The following NEB variants were observed in gnomAD, a reference collection of about 807,000 sequenced individuals.
NEB encodes the protein nemaline myopathy type 2.
Under a neutral mutation model 952.2 loss-of-function variants are expected in NEB, and 512 were observed. The ratio of observed to expected loss-of-function variants is 0.54; its 90% CI spans 0.50 to 0.58. The LOEUF is 0.58. Among genes scored for constraint, NEB ranks in the 20% least tolerant of loss-of-function variants. NEB has a pLI of 0.00. For missense variants in NEB, 8,428 were observed against 9,231.1 expected (o/e 0.91, Z 3.56); for synonymous variants, 2,900 against 3,149.8 (o/e 0.92, Z 2.66).
In NEB at chr2:151,617,480, AAAAAAAAAG is replaced by A; in HGVS notation, c.11077-21_11077-13del. 1 of 1,428,036 alleles carries A rather than the reference AAAAAAAAAG, an allele frequency of 7.0e-7. No homozygotes were observed. Among genetic ancestry groups the A allele is most frequent in the Non-Finnish European group, 9.4e-7 (1 of 1,062,244 alleles). The allele number at this position is 1,428,036 out of a possible 1,614,324, so 88.5% of individuals were successfully genotyped here. A position where few individuals can be genotyped will look rare whatever the true frequency, so the allele number is the denominator to read the frequency against. On this transcript the variant is annotated splice_polypyrimidine_tract_variant and intron_variant, in intron 74 of 181. Coordinates refer to ENST00000397345, the MANE Select transcript of NEB (RefSeq NM_001164508.2). ...TCAGTATATAAGCGCTACAAAAAAA[AAAAAAAAAG>A]AGAGAGAGAGAGAGAAAAATTATTT...
intron 107 of NEB, among the ~76,000 whole-genome samples, chr2:151,572,068 T>G (rs1303311806): frequency 1.3e-5 from 2 of 152,354 alleles, no homozygotes; most frequent in Non-Finnish European, 1.5e-5. Flanking sequence ...ACGCCTATAA[T>G]CCCAGCACTT....
chr2:151,727,000 T>C (rs1407509607), intron 5 of NEB, among the ~76,000 whole-genome samples: 1 of 151,054 alleles, frequency 6.6e-6, no homozygotes, highest in African/African-American at 2.4e-5. Flanking sequence ...AAGTGAGCTG[T>C]GATCAAGCTA....
At chr2:151,695,935 A>G (rs866189984) in intron 17 of NEB, among the ~76,000 whole-genome samples, 9 of 152,152 alleles carry the variant, frequency 5.9e-5, no homozygotes, top group Middle Eastern at 3.4e-3. Context: ...GCGTAGCACA[A>G]TTGTCCCTGC....
In NEB at chr2:151,502,793, C is replaced by T. The variant is rs558657964; in HGVS notation, c.23928G>A (p.Ser7976=). 18 of 1,578,798 alleles carry T rather than the reference C, an allele frequency of 1.1e-5. No homozygotes were observed. The South Asian group carries it at 1.8e-4, about 16-fold the overall frequency. The change falls in exon 167 of 182, where the codon TCG becomes TCA. Residue 7976 remains serine (S), a splice_region_variant and synonymous_variant. Coordinates refer to ENST00000397345, the MANE Select transcript of NEB (RefSeq NM_001164508.2). ...TTTTTTTTGGCCCCCTAAGAAATAC[C>T]GAGCTAAAGTTCTCTTGATTGCGTT... is the stretch of plus-strand genomic sequence containing the variant. ...RVKRNQENFS[S]ILYKENLSKG...
intron 138 of NEB, among the ~76,000 whole-genome samples, 171 bp downstream of exon 138, chr2:151,540,173 T>C (rs1175222090): frequency 2.6e-5 from 4 of 151,836 alleles, no homozygotes; most frequent in African/African-American, 7.3e-5. Flanking sequence ...CTCAGCTATT[T>C]TGCCTGACTA....
rs1236974118 is a variant in NEB at position 151,643,264 on chromosome 2, G to A, written c.8046C>T (p.Thr2682=). The A allele has an allele frequency of 5.6e-6, 9 of 1,613,642 alleles. No homozygotes were observed. The highest frequency in any genetic ancestry group is 2.7e-5 in the African/African-American group (2 of 74,854). The change falls in exon 58 of 182, where the codon ACC becomes ACT. Residue 2682 remains threonine, a synonymous_variant. Coordinates refer to ENST00000397345, the MANE Select transcript of NEB (RefSeq NM_001164508.2). ...GGTAAACATGGTCACTCAAAATCTG[G>A]GTGGCTCGTTTATTTTTCTCATCCT... ...SLEDEKNKRA[T]QILSDHVYRQ...
In NEB at chr2:151,633,714, T is replaced by C. The variant is rs187637065; in HGVS notation, c.9354A>G (p.Thr3118=). Residue 3118 remains threonine, a synonymous_variant, in exon 65 of 182, where the codon ACA becomes ACG. Transcript: ENST00000397345. ...VDYKNYLHEW[T]CLPDQSDVIH... Reference sequence around the variant, plus strand: ...TGACATCGCTCTGGTCAGGCAGGCATGTCCACTCGTGCAGGTAGTTCTTAT... The same window carrying C: ...TGACATCGCTCTGGTCAGGCAGGCACGTCCACTCGTGCAGGTAGTTCTTAT... 1.9e-4 allele frequency: 313 copies of C among 1,614,022 alleles called. 2 individuals are homozygous for C. The African/African-American group carries it at 3.6e-3, about 19-fold the overall frequency.
intron 161 of NEB, 59 bp from the exon 162 acceptor site, chr2:151,508,168 G>T (rs1370069031): frequency 1.7e-6 from 2 of 1,180,790 alleles, no homozygotes; most frequent in Non-Finnish European, 2.4e-6. Context: ...AGGCCAATGG[G>T]ACCTAAAATA....
chr2:151,609,455 T>C (rs1397134755), intron 81 of NEB, among the ~76,000 whole-genome samples: 1 of 152,150 alleles, frequency 6.6e-6, no homozygotes, highest in Non-Finnish European at 1.5e-5. Context: ...ATTTGATATT[T>C]CAAAAAATTT....
intron 28 of NEB, among the ~76,000 whole-genome samples, 170 bp from the exon 29 acceptor site, chr2:151,682,939 G>A (rs1304393952): frequency 6.6e-6 from 1 of 152,078 alleles, no homozygotes; most frequent in Non-Finnish European, 1.5e-5. Flanking sequence ...ACAGCTCTTC[G>A]ATTTTTGCTT....
chr2:151,727,675 G>T lies in NEB; in HGVS notation c.294+16C>A. 1.2e-6 allele frequency: 2 copies of T among 1,602,450 alleles called. No homozygotes were observed. Among genetic ancestry groups the T allele is most frequent in the Non-Finnish European group, 1.7e-6 (2 of 1,170,300 alleles). On this transcript the variant is annotated intron_variant, in intron 5 of 181. Transcript: ENST00000397345. ...TAATAATCAAGCCAGGTTAGCAGAA[G>T]TTGTTTGAAACTTACTGGGCTAAAA...
intron 179 of NEB, among the ~76,000 whole-genome samples, chr2:151,490,989 C>T (rs2056053054): frequency 6.6e-6 from 1 of 151,936 alleles, no homozygotes; most frequent in South Asian, 2.1e-4. Flanking sequence ...GTGTCTTGAT[C>T]AGAAAACTGG....
Position 151,485,766 on chromosome 2 carries a change from A to C in NEB, c.25572T>G (p.Ala8524=), listed in dbSNP as rs1458192226. Residue 8524 remains alanine (A), a synonymous_variant, in exon 182 of 182, where the codon GCT becomes GCG. Transcript: ENST00000397345. The part of the protein sequence containing the change: ...TGMLPANYVE[A]I ...GTGTGATGCTTTGAAATGCCTAAAT[A>C]GCTTCAACGTAGTTGGCTGGGAGCA... 1.2e-6 allele frequency: 2 copies of C among 1,608,676 alleles called. No homozygotes were observed. The highest frequency in any genetic ancestry group is 3.3e-5 in the Admixed American group (2 of 59,842).
Position 151,569,280 on chromosome 2 carries a change from G to A in NEB, c.17523C>T (p.Asp5841=), listed in dbSNP as rs948091710. The A allele has an allele frequency of 6.2e-7, 1 of 1,613,654 alleles. No homozygotes were observed. Among genetic ancestry groups the A allele is most frequent in the Non-Finnish European group, 8.5e-7 (1 of 1,179,736 alleles). Residue 5841 remains aspartate, a synonymous_variant, in exon 110 of 182, where the codon GAC becomes GAT. Transcript: ENST00000397345. The part of the protein sequence containing the change: ...VSVNHAKHAA[D]IFSEKKYRTK... The stretch of plus-strand genomic sequence containing the variant: ...AATCTTGGAATACCTCACTGAAGAT[G>A]TCCGCGGCATGTTTGGCATGATTGA...
chr2:151,707,458 G>A (rs1408796264), intron 12 of NEB, among the ~76,000 whole-genome samples: 5 of 152,188 alleles, frequency 3.3e-5, no homozygotes, highest in Non-Finnish European at 5.9e-5. Context: ...ACTAATCCAC[G>A]CTTTTATGCC....
At chr2:151,644,262 G>A in intron 56 of NEB, 133 bp from the exon 57 acceptor site, 1 of 1,329,656 alleles carries the variant, frequency 7.5e-7, no homozygotes, top group Non-Finnish European at 1.0e-6. Context: ...CTTTTGATAA[G>A]AAAGATTAAA....
In NEB at chr2:151,503,378, C is replaced by T. The variant is rs770529578; in HGVS notation, c.23806G>A (p.Val7936Ile). 11 of 1,612,282 alleles carry T rather than the reference C, an allele frequency of 6.8e-6. No individual in the cohort carries two copies. In the South Asian group the frequency reaches 1.1e-4, roughly 16 times the overall value. ...PTTVTPEIER[V>I]KRNQENFSSV... ...CTAAAGTTCTCTTGATTGCGTTTGA[C>T]TCTCTCAATCTCTGGAGTCACAGTG... The change falls in exon 166 of 182, where the codon GTC (valine) becomes ATC (isoleucine). Residue 7936 changes from valine to isoleucine, a missense_variant. Val to Ile is a conservative substitution (Grantham distance 29, BLOSUM62 3). Transcript: ENST00000397345.
In NEB at chr2:151,643,399, C is replaced by T. The variant is rs748357667; in HGVS notation, c.7957-46G>A. The T allele has an allele frequency of 8.1e-6, 12 of 1,490,046 alleles. No individual in the cohort carries two copies. The Admixed American group carries it at 9.6e-5, about 12-fold the overall frequency. The allele number at this position is 1,490,046 out of a possible 1,614,324, so 92.3% of individuals were successfully genotyped here. On this transcript the variant is annotated intron_variant, in intron 57 of 181. Coordinates refer to ENST00000397345, the MANE Select transcript of NEB (RefSeq NM_001164508.2). ...TTTGTCATAATTAAATCATTTATCA[C>T]AATTTGTCATAATTTGTCATAATTA...
At chr2:151,492,050 A>C (rs1281868708) in intron 178 of NEB, 48 bp downstream of exon 178, 1 of 1,568,152 alleles carries the variant, frequency 6.4e-7, no homozygotes, top group Non-Finnish European at 8.8e-7. Context: ...TTGTTCTTCT[A>C]CCCCCTCACT....
Sources: allele counts gnomAD v4.1 joint callset (sites outside exome capture counted in the v4.1 genomes callset), GRCh38; gene constraint gnomAD v4.1.1; transcripts MANE v1.5; gene names NCBI Gene and HGNC (gene_info 2026-07-23, HGNC 2026-07-21).